The following ANAPC4 variants were observed in gnomAD, a reference collection of about 807,000 sequenced individuals.
The protein encoded by ANAPC4 is anaphase-promoting complex subunit 4.
Under a neutral mutation model 119.8 loss-of-function variants are expected in ANAPC4, and 63 were observed. The observed-to-expected ratio is 0.53, with a 90% CI of 0.43 to 0.65. The LOEUF (loss-of-function observed/expected upper bound fraction) is 0.65. ANAPC4 is among the 30% of genes least tolerant of loss of function. ANAPC4 has a pLI of 0.00. For synonymous variants in ANAPC4, 283 were observed against 318.6 expected (o/e 0.89, Z 1.19); for missense variants, 716 against 945.1 (o/e 0.76, Z 3.18).
At chr4:25,392,285 C>A in intron 9 of ANAPC4, 53 bp from the exon 10 acceptor site, 1 of 1,275,418 alleles carries the variant, frequency 7.8e-7, no homozygotes, top group Non-Finnish European at 1.1e-6. Flanking sequence ...AAATTACAGA[C>A]TTTGCAGCAA....
intron 3 of ANAPC4, 120 bp from the exon 4 acceptor site, chr4:25,383,141 G>T: frequency 1.1e-6 from 1 of 915,058 alleles, no homozygotes; most frequent in South Asian, 2.8e-5. Flanking sequence ...GGATGTTTAG[G>T]TCAAAAATTG....
At chr4:25,404,297 A>C (rs1450473681) in intron 17 of ANAPC4, among the ~76,000 whole-genome samples, 4 of 152,236 alleles carry the variant, frequency 2.6e-5, no homozygotes, top group Non-Finnish European at 5.9e-5. Flanking sequence ...AGAGCTTATC[A>C]GGCTGGCCTG....
rs1722680122 is a variant in ANAPC4 at position 25,396,855 on chromosome 4, A to T, written c.1170A>T (p.Ile390=). Residue 390 remains isoleucine (I), a synonymous_variant, in exon 16 of 29, where the codon ATA becomes ATT. Transcript: ENST00000315368. ...GLDAAGIEEA[I]TAVGSFILKA... is the part of the protein sequence containing the mutation. ...TTTATTTTTTCCCTTTAGAAGCTAT[A>T]ACTGCTGTGGGTTCTTTTATACTCA... 1.2e-6 allele frequency: 2 copies of T among 1,612,846 alleles called. No homozygotes were observed. Among genetic ancestry groups the T allele is most frequent in the Admixed American group, 1.7e-5 (1 of 59,722 alleles).
rs571575670 is a variant in ANAPC4, at chr4:25,402,571, T to G, written c.1215-400T>G. Among the ~76,000 whole-genome samples, 234 of 152,332 alleles carry G rather than the reference T, an allele frequency of 1.5e-3. No individual in the cohort carries two copies. The South Asian group carries it at 0.021, about 14-fold the overall frequency. On this transcript the variant is annotated intron_variant, in intron 16 of 28. Coordinates refer to ENST00000315368, the MANE Select transcript of ANAPC4 (RefSeq NM_013367.3). ...TGTAATAATGGTTTTCTGTTGAAGT[T>G]GATGTTTTTTCTTCTTACTGACCAA... is the stretch of plus-strand genomic sequence containing the variant.
intron 4 of ANAPC4, 118 bp downstream of exon 4, chr4:25,383,511 AG>A (rs1721863699): frequency 2.0e-6 from 2 of 995,554 alleles, no homozygotes; most frequent in Admixed American, 7.1e-5. Flanking sequence ...TTTTGGTTTC[AG>A]TTTATCAAGA....
At chr4:25,380,535 A>G (rs1283687594) in intron 3 of ANAPC4, 56 bp downstream of exon 3, 1 of 1,302,490 alleles carries the variant, frequency 7.7e-7, no homozygotes, top group South Asian at 1.4e-5. Flanking sequence ...AGTATTCTGT[A>G]AAGCCCATTT....
chr4:25,409,390 C>T (rs1304949289), intron 20 of ANAPC4, among the ~76,000 whole-genome samples: 1 of 152,144 alleles, frequency 6.6e-6, no homozygotes, highest in Non-Finnish European at 1.5e-5. Context: ...AACAAACTAC[C>T]AACTGTTCAG....
chr4:25,407,004 A>G (rs1723286270), intron 19 of ANAPC4, 119 bp downstream of exon 19: 2 of 916,530 alleles, frequency 2.2e-6, no homozygotes, highest in African/African-American at 3.4e-5. Context: ...TTACTTTTTT[A>G]AAACTGTTGA....
intron 8 of ANAPC4, 63 bp downstream of exon 8, chr4:25,390,283 T>C (rs990579615): frequency 4.0e-6 from 5 of 1,241,118 alleles, no homozygotes; most frequent in Non-Finnish European, 4.5e-6. Context: ...TAGGTACTTA[T>C]GGAAAAAGAA....
At position 25,405,965 on chromosome 4, in the gene ANAPC4, G is replaced by T. The variant is rs1444356085; in HGVS notation, c.1317+346G>T. On this transcript the variant is annotated intron_variant, in intron 18 of 28. Transcript: ENST00000315368. The surrounding 1 kb of genome is among the most constrained non-coding windows in gnomAD (Gnocchi z 4.6). Reference sequence around the variant, plus strand: ...ATCAGGTGCTTAGATATTAGTCCCTGTGTTGATGTCTGGTAAGCAACAGTT... The same window carrying T: ...ATCAGGTGCTTAGATATTAGTCCCTTTGTTGATGTCTGGTAAGCAACAGTT... Among the ~76,000 whole-genome samples the T allele has an allele frequency of 6.6e-6, 1 of 152,124 alleles. No individual in the cohort carries two copies. Among genetic ancestry groups the T allele is most frequent in the African/African-American group, 2.4e-5 (1 of 41,420 alleles).
intron 17 of ANAPC4, among the ~76,000 whole-genome samples, chr4:25,403,737 C>T (rs889892544): frequency 6.6e-5 from 10 of 152,148 alleles, no homozygotes; most frequent in African/African-American, 1.9e-4. Flanking sequence ...TCTCAGCAGC[C>T]ACAAATGGTT....
intron 16 of ANAPC4, among the ~76,000 whole-genome samples, chr4:25,398,118 T>C (rs1722759962): frequency 6.6e-6 from 1 of 152,172 alleles, no homozygotes; most frequent in South Asian, 2.1e-4. Flanking sequence ...TGGTCAGATA[T>C]TAGAATTTGT....
Position 25,405,314 on chromosome 4 carries a change from G to C in ANAPC4, c.1271-259G>C, listed in dbSNP as rs746157630. On this transcript the variant is annotated intron_variant, in intron 17 of 28. Transcript: ENST00000315368. This position sits in a 1 kb window ranked among gnomAD's most constrained non-coding sequence, Gnocchi z 4.6. The stretch of plus-strand genomic sequence containing the variant: ...GCACAGACAGCAGTTAGATTTGTCT[G>C]GCGTGGCAACAGGTGGAATTGAAGA... Among the ~76,000 whole-genome samples, 4 of 152,006 alleles carry C rather than the reference G, an allele frequency of 2.6e-5. No individual in the cohort carries two copies. The highest frequency in any genetic ancestry group is 1.3e-4 in the Admixed American group (2 of 15,222).
chr4:25,401,742 G>GT (rs1406070191), intron 16 of ANAPC4, among the ~76,000 whole-genome samples: 2 of 151,972 alleles, frequency 1.3e-5, no homozygotes, highest in Non-Finnish European at 2.9e-5. Context: ...TGTTCTTTTT[G>GT]TTTTTGTGAG....
chr4:25,407,713 A>G (rs1186807023), intron 20 of ANAPC4, among the ~76,000 whole-genome samples: 1 of 152,124 alleles, frequency 6.6e-6, no homozygotes, highest in Non-Finnish European at 1.5e-5. Flanking sequence ...ATAATAAAAA[A>G]TTATTCCCTA....
chr4:25,388,827 C>T lies in ANAPC4; in HGVS notation c.471-11C>T. ...AATTGAAAGATGACCCAATTTACTT[C>T]TATATTTTAGTGAAGAAAATTCTGA... On this transcript the variant is annotated splice_polypyrimidine_tract_variant and intron_variant, in intron 6 of 28. Transcript: ENST00000315368. 5 of 1,605,532 alleles carry T rather than the reference C, an allele frequency of 3.1e-6. No individual in the cohort carries two copies. The highest frequency in any genetic ancestry group is 4.3e-6 in the Non-Finnish European group (5 of 1,175,508).
Position 25,407,251 on chromosome 4 carries a change from C to A in ANAPC4, c.1429C>A (p.Gln477Lys). The A allele has an allele frequency of 6.2e-7, 1 of 1,604,928 alleles. No individual in the cohort carries two copies. Among genetic ancestry groups the A allele is most frequent in the South Asian group, 1.1e-5 (1 of 89,502 alleles). ...GKYFNVERVG[Q>K]YLKDEDDDLV... is the part of the protein sequence containing the mutation. ...ATACTTTAACGTTGAAAGAGTTGGT[C>A]AGGTATGGGCTTTGAACTCATTTTA... Residue 477 changes from glutamine (Q) to lysine (K), a missense_variant and splice_region_variant, in exon 20 of 29, where the codon CAG becomes AAG. Physicochemically the swap from Gln to Lys is moderately conservative, Grantham distance 53. Transcript: ENST00000315368.
At chr4:25,386,392 T>A (rs1722037510) in intron 4 of ANAPC4, among the ~76,000 whole-genome samples, 1 of 151,998 alleles carries the variant, frequency 6.6e-6, no homozygotes, top group Non-Finnish European at 1.5e-5. Context: ...TTTATATTTT[T>A]AGTGGAGACG....
Position 25,383,273 on chromosome 4 carries a change from C to T in ANAPC4, c.248C>T (p.Ala83Val), listed in dbSNP as rs1416243950. Residue 83 changes from alanine (A) to valine (V), a missense_variant, in exon 4 of 29, where the codon GCT becomes GTT. Coordinates refer to ENST00000315368, the MANE Select transcript of ANAPC4 (RefSeq NM_013367.3). ...TTTCTTGTTTTAGTTTTGGCCTTTGCTCTTGCTGATACCAAGAAAATTGTT... is the reference window on the plus strand; with the variant it reads ...TTTCTTGTTTTAGTTTTGGCCTTTGTTCTTGCTGATACCAAGAAAATTGTT... ...WRPDGKLLAFALADTKKIVLC... is the reference protein window; with the variant it reads ...WRPDGKLLAFVLADTKKIVLC... 1 of 1,603,738 alleles carries T rather than the reference C, an allele frequency of 6.2e-7. No individual in the cohort carries two copies. The highest frequency in any genetic ancestry group is 8.5e-7 in the Non-Finnish European group (1 of 1,176,608).
Sources: gnomAD v4.1 joint callset for allele counts (sites outside exome capture counted in the v4.1 genomes callset) on GRCh38, gnomAD v4.1.1 for gene constraint, Gnocchi (gnomAD v3.1) non-coding constraint, MANE v1.5 for transcripts, NCBI Gene and HGNC (gene_info 2026-07-23, HGNC 2026-07-21) for gene names.